HMCN1: variants seen among roughly 807,000 people sequenced by gnomAD.
The protein encoded by HMCN1 is hemicentin-1.
A neutral mutation model predicts 625.9 loss-of-function variants in HMCN1; 321 were observed. The ratio of observed to expected loss-of-function variants is 0.51; its 90% CI spans 0.47 to 0.56. HMCN1 has a LOEUF of 0.56. Ranked by LOEUF, HMCN1 falls within the 20% of genes least tolerant of loss-of-function variation. The probability of loss-of-function intolerance (pLI) is 0.00; values close to 1 mark genes in which losing one functional copy is unlikely to be tolerated. For missense variants in HMCN1, 6,588 were observed against 6,887.3 expected, an observed-to-expected ratio of 0.96 and a Z score of 1.54; for synonymous variants, 2,425 against 2,417.6, an observed-to-expected ratio of 1.00 and a Z score of -0.09.
chr1:186,004,366 G>A (rs1238402622), intron 29 of HMCN1, among the ~76,000 whole-genome samples: 2 of 152,088 alleles, frequency 1.3e-5, no homozygotes, highest in Non-Finnish European at 2.9e-5. Context: ...TACAGTTTGT[G>A]TATTATAGTT....
intron 4 of HMCN1, among the ~76,000 whole-genome samples, chr1:185,895,395 C>T (rs996321821): frequency 2.6e-5 from 4 of 152,018 alleles, no homozygotes; most frequent in South Asian, 4.1e-4. Flanking sequence ...TTTTTCTTGG[C>T]GATATTCTTT....
chr1:186,068,044 C>T (rs766101949), intron 50 of HMCN1, 37 bp downstream of exon 50: 15 of 1,506,254 alleles, frequency 1.0e-5, no homozygotes, highest in East Asian at 2.3e-5. Context: ...GATGCATCTG[C>T]GTCATCTACT....
At position 186,153,320 on chromosome 1, in the gene HMCN1, TTA is replaced by T. The variant is rs565620746; in HGVS notation, c.15019-428_15019-427del. ...ATGTTATAATTAAAGGGTTCAAACT[TTA>T]TGTTATTTCCTGAACACTACTGTAC... On this transcript the variant is annotated intron_variant, in intron 96 of 106. Coordinates refer to ENST00000271588, the MANE Select transcript of HMCN1 (RefSeq NM_031935.3). 3.4e-3 allele frequency among the ~76,000 whole-genome samples: 513 copies of T among 152,288 alleles called. 1 individual carries two copies. Among genetic ancestry groups the T allele is most frequent in the African/African-American group, 6.9e-3 (287 of 41,568 alleles).
intron 101 of HMCN1, 112 bp downstream of exon 101, chr1:186,171,562 G>A (rs1652234056): frequency 7.1e-6 from 6 of 847,132 alleles, no homozygotes; most frequent in Non-Finnish European, 1.2e-5. Context: ...AGGACATCAA[G>A]CATGCAGCAT....
chr1:185,757,468 G>C (rs1411699203), intron 1 of HMCN1, among the ~76,000 whole-genome samples: 2 of 152,096 alleles, frequency 1.3e-5, no homozygotes, highest in African/African-American at 2.4e-5. Context: ...AGCCGAGAAT[G>C]TTTTTAGGTC....
chr1:185,788,752 T>A (rs899638721), intron 1 of HMCN1, among the ~76,000 whole-genome samples: 2 of 152,166 alleles, frequency 1.3e-5, no homozygotes, highest in Non-Finnish European at 2.9e-5. Flanking sequence ...TGTGAGGACA[T>A]GAGGTTGTCC....
intron 36 of HMCN1, among the ~76,000 whole-genome samples, chr1:186,025,463 C>T (rs1010426889): frequency 3.3e-5 from 5 of 152,318 alleles, no homozygotes; most frequent in African/African-American, 9.6e-5. Flanking sequence ...CCTGAAACAG[C>T]ACCTCTAATG....
chr1:186,036,467 T>G (rs569846893), intron 36 of HMCN1, among the ~76,000 whole-genome samples: 3 of 152,152 alleles, frequency 2.0e-5, no homozygotes, highest in Non-Finnish European at 4.4e-5. Context: ...TTCACTATCA[T>G]GAGAACAGTA....
At chr1:185,953,960 T>TG (rs1245826519) in intron 11 of HMCN1, among the ~76,000 whole-genome samples, 1 of 134,758 alleles carries the variant, frequency 7.4e-6, no homozygotes, top group Admixed American at 7.5e-5. Context: ...TGGGCAGGAG[T>TG]GGGGGTCGCA....
rs1436480174 is a variant in HMCN1, at chr1:185,810,869, T to TA, written c.269-35149dup. 2.6e-5 allele frequency among the ~76,000 whole-genome samples: 4 copies of TA among 152,192 alleles called. No individual in the cohort carries two copies. The South Asian group carries it at 8.3e-4, about 32-fold the overall frequency. ...AAAGTTCAGCTGGGTGATGGTTTTA[T>TA]AAAAAAAATTCAGACATTTCAACAT... On this transcript the variant is annotated intron_variant, in intron 1 of 106. Coordinates refer to ENST00000271588, the MANE Select transcript of HMCN1 (RefSeq NM_031935.3).
chr1:185,786,376 AT>A, intron 1 of HMCN1, among the ~76,000 whole-genome samples: 1 of 152,182 alleles, frequency 6.6e-6, no homozygotes, highest in Admixed American at 6.5e-5. Context: ...TTCTTCTGTC[AT>A]TTATGTCTTT....
chr1:186,107,124 C>T (rs941337987), intron 70 of HMCN1, among the ~76,000 whole-genome samples, 159 bp downstream of exon 70: 8 of 151,862 alleles, frequency 5.3e-5, no homozygotes, highest in African/African-American at 9.7e-5. Context: ...CTCGCTTTGT[C>T]GCCCAGGCTG....
chr1:186,001,113 G>A (rs1401952395), intron 26 of HMCN1, among the ~76,000 whole-genome samples, 185 bp from the exon 27 acceptor site: 2 of 151,872 alleles, frequency 1.3e-5, no homozygotes, highest in Non-Finnish European at 2.9e-5. Context: ...AATCCAATAA[G>A]GGTTGTTATT....
chr1:185,770,867 C>T (rs973043294), intron 1 of HMCN1, among the ~76,000 whole-genome samples: 1 of 152,098 alleles, frequency 6.6e-6, no homozygotes. Flanking sequence ...TTGTGGTCAC[C>T]AGACTATTAG....
intron 93 of HMCN1, 106 bp downstream of exon 93, chr1:186,146,029 G>T: frequency 3.4e-6 from 3 of 874,160 alleles, no homozygotes; most frequent in Non-Finnish European, 5.2e-6. Context: ...GGTGGAATTA[G>T]AAAAAAAAAA....
At chr1:185,902,347 C>A (rs1665850270) in intron 4 of HMCN1, among the ~76,000 whole-genome samples, 1 of 151,316 alleles carries the variant, frequency 6.6e-6, no homozygotes, top group South Asian at 2.1e-4. Flanking sequence ...AAAATCTGGC[C>A]AAACTATGAC....
intron 9 of HMCN1, 93 bp from the exon 10 acceptor site, chr1:185,928,453 T>G (rs1667383526): frequency 9.2e-7 from 1 of 1,082,958 alleles, no homozygotes; most frequent in Admixed American, 1.7e-5. Flanking sequence ...ACATTGTTCT[T>G]TTGAATGAAC....
At chr1:186,033,247 A>G (rs942730634) in intron 36 of HMCN1, among the ~76,000 whole-genome samples, 3 of 152,192 alleles carry the variant, frequency 2.0e-5, no homozygotes, top group African/African-American at 7.2e-5. Context: ...CTAAGCCATG[A>G]GGATGCAAAG....
intron 1 of HMCN1, among the ~76,000 whole-genome samples, chr1:185,736,130 G>A (rs2102058530): frequency 6.6e-6 from 1 of 152,186 alleles, no homozygotes; most frequent in East Asian, 1.9e-4. Context: ...TATTAAATAT[G>A]GCAGGTTTTA....
Sources: allele counts gnomAD v4.1 joint callset (sites outside exome capture counted in the v4.1 genomes callset), GRCh38; gene constraint gnomAD v4.1.1; transcripts MANE v1.5; gene names NCBI Gene and HGNC (gene_info 2026-07-23, HGNC 2026-07-21).